MGAT4C: variants seen among roughly 807,000 people sequenced by gnomAD.
The protein encoded by MGAT4C is alpha-1,3-mannosyl-glycoprotein 4-beta-N-acetylglucosaminyltransferase C.
MGAT4C carries 19 observed loss-of-function variants against 40.1 expected under a neutral mutation model. The ratio of observed to expected loss-of-function variants is 0.47; its 90% CI spans 0.33 to 0.70. The LOEUF is 0.70. MGAT4C is among the 30% of genes least tolerant of loss of function. The pLI is 0.02. For synonymous variants in MGAT4C, 181 were observed against 187.1 expected, an observed-to-expected ratio of 0.97 and a Z score of 0.27; for missense variants, 491 against 563.2, an observed-to-expected ratio of 0.87 and a Z score of 1.30.
At chr12:86,717,182 A>C (rs1262180953) in intron 2 of MGAT4C, among the ~76,000 whole-genome samples, 1 of 151,818 alleles carries the variant, frequency 6.6e-6, no homozygotes, top group Non-Finnish European at 1.5e-5. Context: ...TATAATTATT[A>C]CAAAAAAAAA....
chr12:86,609,771 T>A, intron 2 of MGAT4C, among the ~76,000 whole-genome samples: 1 of 139,432 alleles, frequency 7.2e-6, no homozygotes, highest in East Asian at 2.1e-4. Context: ...TTACCTCCTA[T>A]GCTAAATAAG....
chr12:86,099,346 T>C (rs1314790079), intron 1 of MGAT4C, among the ~76,000 whole-genome samples: 1 of 151,348 alleles, frequency 6.6e-6, no homozygotes, highest in Non-Finnish European at 1.5e-5. Flanking sequence ...TCCATGGTTA[T>C]TTTTATTCAA....
intron 1 of MGAT4C, among the ~76,000 whole-genome samples, chr12:86,194,573 G>A (rs146669953): frequency 0.041 from 6,170 of 151,700 alleles, 182 homozygotes; most frequent in Middle Eastern, 0.096. Context: ...TCCTGTCTCA[G>A]CCTCCCTAGT....
rs559890522 is a variant in MGAT4C, at chr12:86,045,919, G to A, written c.-7+3755C>T. 1.1e-4 allele frequency among the ~76,000 whole-genome samples: 17 copies of A among 152,172 alleles called. No homozygotes were observed. The East Asian group carries it at 1.9e-3, about 17-fold the overall frequency. On this transcript the variant is annotated intron_variant, in intron 2 of 4. Transcript: ENST00000611864. ...ATATTGTCATCAGTATCAATTTATC[G>A]TGTATTTTATTAGTGTGATCCTGTC...
At chr12:86,783,586 A>G (rs984460298) in intron 1 of MGAT4C, among the ~76,000 whole-genome samples, 6 of 152,146 alleles carry the variant, frequency 3.9e-5, no homozygotes, top group African/African-American at 1.4e-4. Context: ...TTATATGTAC[A>G]GTGCCTGATG....
chr12:86,295,117 T>A (rs1004433706), intron 4 of MGAT4C, among the ~76,000 whole-genome samples: 1 of 152,166 alleles, frequency 6.6e-6, no homozygotes, highest in African/African-American at 2.4e-5. Context: ...TACTTATTAT[T>A]TTATTCAGGC....
chr12:86,748,191 G>C (rs575906974), intron 1 of MGAT4C, among the ~76,000 whole-genome samples: 16 of 151,628 alleles, frequency 1.1e-4, no homozygotes, highest in African/African-American at 3.9e-4. Context: ...GTCATACTAA[G>C]TAGTTGACTA....
chr12:86,766,425 T>A (rs545686756), intron 1 of MGAT4C, among the ~76,000 whole-genome samples: 1 of 152,118 alleles, frequency 6.6e-6, no homozygotes, highest in African/African-American at 2.4e-5. Context: ...AATGGGAGAC[T>A]TTAACACCCC....
chr12:86,756,386 T>C (rs1485274184), intron 1 of MGAT4C, among the ~76,000 whole-genome samples: 1 of 151,742 alleles, frequency 6.6e-6, no homozygotes, highest in Non-Finnish European at 1.5e-5. Flanking sequence ...TCTTCTAATA[T>C]CACAACCTGG....
intron 1 of MGAT4C, among the ~76,000 whole-genome samples, chr12:86,191,915 TA>T (rs2135904596): frequency 6.7e-6 from 1 of 149,308 alleles, no homozygotes; most frequent in Non-Finnish European, 1.5e-5. Context: ...TATGCAGCCA[TA>T]AAAAAGGGTG....
At chr12:86,705,175 G>T (rs118023874) in intron 2 of MGAT4C, among the ~76,000 whole-genome samples, 256 of 151,890 alleles carry the variant, frequency 1.7e-3, no homozygotes, top group Non-Finnish European at 2.5e-3. Flanking sequence ...GTCTTCCAAG[G>T]TTTTCTAAAC....
intron 1 of MGAT4C, among the ~76,000 whole-genome samples, chr12:86,759,096 G>T (rs969006184): frequency 9.2e-5 from 14 of 151,936 alleles, no homozygotes; most frequent in African/African-American, 3.1e-4. Context: ...ACTTCTATGA[G>T]AACAACTTTT....
chr12:86,310,799 C>T (rs1954053181), intron 4 of MGAT4C, among the ~76,000 whole-genome samples: 1 of 152,088 alleles, frequency 6.6e-6, no homozygotes, highest in Middle Eastern at 3.2e-3. Flanking sequence ...TGGCATGCAC[C>T]TGTAATCCCA....
chr12:86,300,386 C>A (rs1953779604), intron 4 of MGAT4C, among the ~76,000 whole-genome samples: 1 of 152,078 alleles, frequency 6.6e-6, no homozygotes, highest in Admixed American at 6.5e-5. Context: ...TTAGGAAACT[C>A]CATCATCACT....
At chr12:86,598,366 T>G (rs1961622318) in intron 2 of MGAT4C, among the ~76,000 whole-genome samples, 2 of 152,136 alleles carry the variant, frequency 1.3e-5, no homozygotes, top group Admixed American at 1.3e-4. Context: ...TATATATGTT[T>G]GTGTATAGAG....
At chr12:86,754,402 G>A (rs528980167) in intron 1 of MGAT4C, among the ~76,000 whole-genome samples, 3 of 152,192 alleles carry the variant, frequency 2.0e-5, no homozygotes, top group South Asian at 2.1e-4. Flanking sequence ...TATCTTGATT[G>A]TGATGTTAGT....
intron 2 of MGAT4C, among the ~76,000 whole-genome samples, chr12:86,465,256 G>A (rs1957663062): frequency 6.6e-6 from 1 of 152,050 alleles, no homozygotes; most frequent in South Asian, 2.1e-4. Flanking sequence ...AATATAAAGT[G>A]CAAAACTATA....
chr12:86,519,539 T>C (rs1958755664), intron 2 of MGAT4C, among the ~76,000 whole-genome samples: 1 of 152,174 alleles, frequency 6.6e-6, no homozygotes, highest in Non-Finnish European at 1.5e-5. Context: ...GAGGGTTCCC[T>C]TTTCTCTACA....
chr12:86,058,685 A>G (rs927651054), intron 1 of MGAT4C, among the ~76,000 whole-genome samples: 11 of 152,138 alleles, frequency 7.2e-5, no homozygotes, highest in African/African-American at 2.7e-4. Flanking sequence ...AATTCATGGT[A>G]TATAGTGTAG....
Sources: allele counts gnomAD v4.1 joint callset (sites outside exome capture counted in the v4.1 genomes callset), GRCh38; gene constraint gnomAD v4.1.1; transcripts MANE v1.5; gene names NCBI Gene and HGNC (gene_info 2026-07-23, HGNC 2026-07-21).